The following DSCAM variants were observed in gnomAD, a reference collection of about 807,000 sequenced individuals.
DSCAM encodes cell adhesion molecule DSCAM.
Under a neutral mutation model 217.7 loss-of-function variants are expected in DSCAM, and 47 were observed. That is an observed-to-expected ratio of 0.22 (90% CI 0.17 to 0.28). The LOEUF (loss-of-function observed/expected upper bound fraction) is 0.28. Among genes scored for constraint, DSCAM ranks in the 10% least tolerant of loss-of-function variants. DSCAM has a pLI of 1.00. For synonymous variants in DSCAM, 1,056 were observed against 1,015.3 expected (o/e 1.04, Z -0.76); for missense variants, 2,080 against 2,618.3 (o/e 0.79, Z 4.49).
At chr21:40,142,839 T>C (rs2090309655) in intron 17 of DSCAM, 135 bp from the exon 18 acceptor site, 1 of 1,020,484 alleles carries the variant, frequency 9.8e-7, no homozygotes, top group African/African-American at 1.6e-5. Flanking sequence ...AAAGAAAAAA[T>C]AACAAAGATC....
Position 40,343,328 on chromosome 21 carries a change from G to A in DSCAM, c.1211-3913C>T, listed in dbSNP as rs184333342. Among the ~76,000 whole-genome samples the A allele has an allele frequency of 2.6e-5, 4 of 152,236 alleles. No individual in the cohort carries two copies. The East Asian group carries it at 5.8e-4, about 22-fold the overall frequency. ...TAGGGCTGCTAGTATAATGTTGAAT[G>A]GAAGTGGTGGATGTGGGCATCCTTG... is the stretch of plus-strand genomic sequence containing the variant. On this transcript the variant is annotated intron_variant, in intron 6 of 32. Transcript: ENST00000400454.
chr21:40,391,444 A>C (rs1320481703), intron 3 of DSCAM, among the ~76,000 whole-genome samples: 2 of 152,246 alleles, frequency 1.3e-5, no homozygotes, highest in African/African-American at 4.8e-5. Flanking sequence ...AGAACCATCA[A>C]CTTAGTTTGA....
chr21:40,542,070 T>C (rs2076546717), intron 3 of DSCAM, among the ~76,000 whole-genome samples: 1 of 152,162 alleles, frequency 6.6e-6, no homozygotes, highest in Non-Finnish European at 1.5e-5. Flanking sequence ...CAAAAGAAAC[T>C]TGTTTTCTGA....
chr21:40,557,482 G>A (rs576157195), intron 3 of DSCAM, among the ~76,000 whole-genome samples: 1 of 152,174 alleles, frequency 6.6e-6, no homozygotes, highest in African/African-American at 2.4e-5. Context: ...AGCCTCCCAA[G>A]TAGCTGGGAC....
At chr21:40,030,850 G>T (rs58627058) in intron 32 of DSCAM, among the ~76,000 whole-genome samples, 2,523 of 152,228 alleles carry the variant, frequency 0.017, 71 homozygotes, top group African/African-American at 0.057. Flanking sequence ...GTTCTGAGGG[G>T]TTCTCAAGCT....
intron 8 of DSCAM, among the ~76,000 whole-genome samples, chr21:40,315,617 A>G (rs1330117399): frequency 1.3e-5 from 2 of 152,214 alleles, no homozygotes; most frequent in African/African-American, 4.8e-5. Context: ...AATATTTGCA[A>G]TTCATCAGTG....
chr21:40,487,316 TGTGTGTGTGTGA>T, intron 3 of DSCAM, among the ~76,000 whole-genome samples: 1 of 117,612 alleles, frequency 8.5e-6, no homozygotes, highest in Non-Finnish European at 1.7e-5. Context: ...TGTGTGTGTG[TGTGTGTGTGTGA>T]GAGAGAGAGA....
At chr21:40,322,841 T>C (rs920085633) in intron 8 of DSCAM, among the ~76,000 whole-genome samples, 23 of 151,914 alleles carry the variant, frequency 1.5e-4, no homozygotes, top group African/African-American at 4.6e-4. Context: ...CGCAAATGAA[T>C]GAAAAAATGT....
At chr21:40,794,542 GAAA>G (rs35301932) in intron 1 of DSCAM, among the ~76,000 whole-genome samples, 1 of 138,260 alleles carries the variant, frequency 7.2e-6, no homozygotes. Flanking sequence ...AGTCAAATTG[GAAA>G]AAAAAAAAAA....
At chr21:40,280,301 C>T (rs2073743554) in intron 10 of DSCAM, among the ~76,000 whole-genome samples, 1 of 151,236 alleles carries the variant, frequency 6.6e-6, no homozygotes, top group Non-Finnish European at 1.5e-5. Flanking sequence ...CCCCCCTCAG[C>T]CTCCCAAGTA....
intron 10 of DSCAM, among the ~76,000 whole-genome samples, chr21:40,290,755 A>G (rs1310740217): frequency 1.3e-5 from 2 of 152,244 alleles, no homozygotes; most frequent in Non-Finnish European, 2.9e-5. Flanking sequence ...TGAGCCGCCA[A>G]TATCTGTCCT....
rs1568885458 is a variant in DSCAM at position 40,012,006 on chromosome 21, A to AT, written c.*1027dup. Reference sequence around the variant, plus strand: ...TCTGCTGCAACTATTCAGCTCTACCATTGTGCCATGAAAGCAGCCATAGAC... The same window carrying AT: ...TCTGCTGCAACTATTCAGCTCTACCATTTGTGCCATGAAAGCAGCCATAGAC... On this transcript the variant is annotated 3_prime_UTR_variant, in exon 33 of 33. Transcript: ENST00000400454. 1 of 152,154 alleles carries AT rather than the reference A, an allele frequency of 6.6e-6. No homozygotes were observed. The highest frequency in any genetic ancestry group is 2.4e-5 in the African/African-American group (1 of 41,422). The allele number at this position is 152,154 out of a possible 1,614,324, so 9.4% of individuals were successfully genotyped here. A position where few individuals can be genotyped will look rare whatever the true frequency, so the allele number is the denominator to read the frequency against.
At chr21:40,697,936 C>T (rs779627184) in intron 2 of DSCAM, among the ~76,000 whole-genome samples, 79 of 152,196 alleles carry the variant, frequency 5.2e-4, no homozygotes, top group South Asian at 1.7e-3. Context: ...GATATTTTAA[C>T]ACTATTAATT....
chr21:40,400,292 A>C (rs2075221898), intron 3 of DSCAM, among the ~76,000 whole-genome samples: 1 of 152,242 alleles, frequency 6.6e-6, no homozygotes, highest in African/African-American at 2.4e-5. Context: ...AAAATATTTT[A>C]ATGAAAACAT....
chr21:40,779,510 A>G (rs2091520747), intron 1 of DSCAM, among the ~76,000 whole-genome samples: 1 of 152,240 alleles, frequency 6.6e-6, no homozygotes, highest in Non-Finnish European at 1.5e-5. Context: ...TTCAGGCACT[A>G]TTCCAGTTTA....
intron 1 of DSCAM, among the ~76,000 whole-genome samples, chr21:40,836,612 G>A (rs2092058731): frequency 6.6e-6 from 1 of 152,198 alleles, no homozygotes; most frequent in African/African-American, 2.4e-5. Context: ...GATGTACTTG[G>A]AACTTTACTG....
chr21:40,407,388 C>T (rs1163509802), intron 3 of DSCAM, among the ~76,000 whole-genome samples: 1 of 152,184 alleles, frequency 6.6e-6, no homozygotes, highest in Non-Finnish European at 1.5e-5. Flanking sequence ...GCCTTAACTC[C>T]CAGATTCAAG....
intron 3 of DSCAM, among the ~76,000 whole-genome samples, chr21:40,444,809 T>C (rs921566749): frequency 3.3e-5 from 5 of 152,148 alleles, no homozygotes; most frequent in Non-Finnish European, 5.9e-5. Context: ...AGATTACATA[T>C]GATGGTGGGA....
intron 1 of DSCAM, among the ~76,000 whole-genome samples, chr21:40,754,342 C>A (rs906033260): frequency 6.6e-6 from 1 of 152,128 alleles, no homozygotes; most frequent in Non-Finnish European, 1.5e-5. Flanking sequence ...CTTCAGAATC[C>A]CCCAGAAGGA....
Sources: gnomAD v4.1 joint callset for allele counts (sites outside exome capture counted in the v4.1 genomes callset) on GRCh38, gnomAD v4.1.1 for gene constraint, MANE v1.5 for transcripts, NCBI Gene and HGNC (gene_info 2026-07-23, HGNC 2026-07-21) for gene names.